DYRK1A: variants seen among roughly 807,000 people sequenced by gnomAD.
DYRK1A encodes dual specificity tyrosine phosphorylation regulated kinase 1A, also known as dual specificity tyrosine-phosphorylation-regulated kinase 1A.
In DYRK1A, 9 loss-of-function variants were observed where a neutral mutation model predicts 79.7. The observed-to-expected ratio is 0.11, with a 90% CI of 0.07 to 0.20. The LOEUF (loss-of-function observed/expected upper bound fraction) is 0.20, where lower values mean the gene tolerates loss of function less well. DYRK1A is among the 10% of genes least tolerant of loss of function. The pLI is 1.00. For missense variants in DYRK1A, 622 were observed against 956.0 expected, an observed-to-expected ratio of 0.65 and a Z score of 4.61; for synonymous variants, 349 against 329.7, an observed-to-expected ratio of 1.06 and a Z score of -0.63.
intron 1 of DYRK1A, among the ~76,000 whole-genome samples, chr21:37,380,092 CAAA>C (rs2049626308): frequency 6.6e-6 from 1 of 152,006 alleles, no homozygotes. Flanking sequence ...TTTTGAAGGT[CAAA>C]AAATTTTTGT....
rs1424960768 is a variant in DYRK1A, at chr21:37,511,922, A to G, written c.1656A>G (p.Gln552=). The change falls in exon 12 of 12, where the codon CAA becomes CAG. Residue 552 remains glutamine, a synonymous_variant. Transcript: ENST00000647188. The part of the protein sequence containing the change: ...CETHSPQVRQ[Q]FPAPLGWSGT... ...ATCTGTTCTTTCAGGTGCGTCAGCA[A>G]TTTCCTGCTCCTCTTGGTTGGTCAG... The G allele has an allele frequency of 6.2e-7, 1 of 1,610,226 alleles. No homozygotes were observed. Among genetic ancestry groups the G allele is most frequent in the East Asian group, 2.2e-5 (1 of 44,780 alleles).
At chr21:37,449,881 G>A (rs1306604777) in intron 2 of DYRK1A, among the ~76,000 whole-genome samples, 1 of 152,050 alleles carries the variant, frequency 6.6e-6, no homozygotes, top group African/African-American at 2.4e-5. Flanking sequence ...TGGCCAAGTT[G>A]GGCAGAAAAC....
chr21:37,498,304 C>G (rs2053336078), intron 9 of DYRK1A, among the ~76,000 whole-genome samples: 1 of 152,064 alleles, frequency 6.6e-6, no homozygotes, highest in Non-Finnish European at 1.5e-5. Context: ...AGCAGTGTCC[C>G]CCATCTAAAC....
At chr21:37,420,409 A>G in intron 2 of DYRK1A, 25 bp downstream of exon 2, 1 of 1,610,436 alleles carries the variant, frequency 6.2e-7, no homozygotes, top group Non-Finnish European at 8.5e-7. Context: ...GAAATACAGT[A>G]AAACTCTGGC....
chr21:37,408,916 T>A (rs1382304627), intron 1 of DYRK1A, among the ~76,000 whole-genome samples: 4 of 152,208 alleles, frequency 2.6e-5, no homozygotes, highest in African/African-American at 4.8e-5. Flanking sequence ...GGCTAGAGGC[T>A]GACATGCATG....
intron 2 of DYRK1A, among the ~76,000 whole-genome samples, chr21:37,455,019 C>CTTT (rs72223324): frequency 0.043 from 5,023 of 116,754 alleles, 482 homozygotes; most frequent in African/African-American, 0.16. Flanking sequence ...GGGTGGTCAC[C>CTTT]TTTTTTTTTT....
intron 2 of DYRK1A, among the ~76,000 whole-genome samples, chr21:37,443,923 G>A (rs1483595336): frequency 6.6e-6 from 1 of 152,112 alleles, no homozygotes; most frequent in African/African-American, 2.4e-5. Flanking sequence ...TTCCAAAGAT[G>A]GTAACATTCT....
intron 1 of DYRK1A, among the ~76,000 whole-genome samples, chr21:37,398,408 T>A (rs1569292013): frequency 6.6e-6 from 1 of 151,920 alleles, no homozygotes; most frequent in Non-Finnish European, 1.5e-5. Context: ...TTGGCAAGAT[T>A]TTGTGTACAA....
intron 8 of DYRK1A, among the ~76,000 whole-genome samples, chr21:37,495,275 C>G (rs1347141234): frequency 6.6e-6 from 1 of 151,072 alleles, no homozygotes; most frequent in Admixed American, 6.6e-5. Context: ...TTTGGGAGGT[C>G]AAGGTGGGAG....
intron 3 of DYRK1A, 31 bp from the exon 4 acceptor site, chr21:37,478,177 T>A: frequency 6.2e-7 from 1 of 1,613,736 alleles, no homozygotes. Context: ...TCTGTCTATT[T>A]AAGGTGATGC....
chr21:37,434,101 A>C (rs1382733572), intron 2 of DYRK1A, among the ~76,000 whole-genome samples: 1 of 152,120 alleles, frequency 6.6e-6, no homozygotes, highest in African/African-American at 2.4e-5. Context: ...AGATGGTGGA[A>C]AAGTGGCTTC....
Position 37,401,270 on chromosome 21 carries a change from T to TA in DYRK1A, c.-76-19021dup, listed in dbSNP as rs545286931. On this transcript the variant is annotated intron_variant, in intron 1 of 11. Coordinates refer to ENST00000647188, the MANE Select transcript of DYRK1A (RefSeq NM_001347721.2). ...ATAAAATATAAGCATATGTAGTGTT[T>TA]AAAAAAAAGATGTTCACACTTAGAA... Among the ~76,000 whole-genome samples the TA allele has an allele frequency of 3.3e-5, 5 of 151,994 alleles. No homozygotes were observed. The East Asian group carries it at 5.8e-4, about 18-fold the overall frequency.
chr21:37,506,144 C>T lies in DYRK1A; in HGVS notation c.1565C>T (p.Pro522Leu), dbSNP rs2148651660. The T allele has an allele frequency of 3.7e-6, 6 of 1,613,982 alleles. No individual in the cohort carries two copies. Among genetic ancestry groups the T allele is most frequent in the South Asian group, 1.1e-5 (1 of 91,078 alleles). Residue 522 changes from proline (P) to leucine (L), a missense_variant, in exon 11 of 12, where the codon CCG becomes CTG. By Grantham distance (98) the Pro-to-Leu change is moderately conservative. This residue lies in a region of DYRK1A where 292 missense variants were observed against 316.7 expected (regional missense o/e 0.92). Transcript: ENST00000647188. ...AACAGTGGGAGAGCCCGGTCGGATC[C>T]GACGCACCAGCATCGGCACAGTGGT... ...TSNSGRARSDPTHQHRHSGGH... is the reference protein window; with the variant it reads ...TSNSGRARSDLTHQHRHSGGH...
At chr21:37,488,908 T>C in intron 6 of DYRK1A, 1 of 964,886 alleles carries the variant, frequency 1.0e-6, no homozygotes, top group African/African-American at 1.8e-5. Flanking sequence ...TAAACTGAAG[T>C]GACTAAGAGC....
At chr21:37,431,161 T>C (rs1180840829) in intron 2 of DYRK1A, among the ~76,000 whole-genome samples, 1 of 152,178 alleles carries the variant, frequency 6.6e-6, no homozygotes, top group Non-Finnish European at 1.5e-5. Context: ...ATAAGAACAA[T>C]ATGTTTACTC....
In DYRK1A at chr21:37,518,268, A is replaced by G. The variant is rs951696103; in HGVS notation, c.*5737A>G. ...ACAGACAAGCCTTGTTCTGCTGAAG[A>G]GGTGATGCCACGAGGTGGGGAGGAG... On this transcript the variant is annotated 3_prime_UTR_variant, in exon 12 of 12. Coordinates refer to ENST00000647188, the MANE Select transcript of DYRK1A (RefSeq NM_001347721.2). The G allele has an allele frequency of 6.6e-6, 1 of 152,232 alleles. No homozygotes were observed. Among genetic ancestry groups the G allele is most frequent in the Admixed American group, 6.5e-5 (1 of 15,272 alleles). 9.4% of individuals were successfully genotyped at this position (152,232 alleles called of 1,614,324 possible).
rs149993132 is a variant in DYRK1A at position 37,427,781 on chromosome 21, T to G, written c.10+7397T>G. 1.3e-3 allele frequency among the ~76,000 whole-genome samples: 196 copies of G among 152,292 alleles called. 1 individual carries two copies. Among genetic ancestry groups the G allele is most frequent in the African/African-American group, 4.1e-3 (172 of 41,566 alleles). ...CTGCACCCTAGGATCCTAGGTATTT[T>G]AAAATGTTTGCCAATTCAATAGACA... On this transcript the variant is annotated intron_variant, in intron 2 of 11. Transcript: ENST00000647188.
In DYRK1A at chr21:37,505,270, T is replaced by A; in HGVS notation, c.1213-13T>A. ...CCAAATTTAGAGAAAGCCTTTCATC[T>A]TCTCTCTTACAGGAGTACAAACCAC... is the stretch of plus-strand genomic sequence containing the variant. On this transcript the variant is annotated splice_polypyrimidine_tract_variant and intron_variant, in intron 9 of 11. Coordinates refer to ENST00000647188, the MANE Select transcript of DYRK1A (RefSeq NM_001347721.2). The A allele has an allele frequency of 1.3e-6, 2 of 1,575,042 alleles. No individual in the cohort carries two copies. Among genetic ancestry groups the A allele is most frequent in the Non-Finnish European group, 1.7e-6 (2 of 1,159,216 alleles).
At chr21:37,462,770 C>T (rs1048427499) in intron 2 of DYRK1A, among the ~76,000 whole-genome samples, 1 of 152,012 alleles carries the variant, frequency 6.6e-6, no homozygotes, top group African/African-American at 2.4e-5. Flanking sequence ...TATATTGTAC[C>T]CTGGAAAGTG....
Sources: gnomAD v4.1 joint callset for allele counts (sites outside exome capture counted in the v4.1 genomes callset) on GRCh38, gnomAD v4.1.1 for gene constraint, gnomAD v4.1.1 regional missense constraint, MANE v1.5 for transcripts, NCBI Gene and HGNC (gene_info 2026-07-23, HGNC 2026-07-21) for gene names.